MEF2A: variants seen among roughly 807,000 people sequenced by gnomAD.
MEF2A encodes the protein myocyte enhancer factor 2A, also known as myocyte-specific enhancer factor 2A.
Under a neutral mutation model 55.8 loss-of-function variants are expected in MEF2A, and 28 were observed. That is an observed-to-expected ratio of 0.50 (90% CI 0.37 to 0.69). MEF2A has a LOEUF of 0.69. MEF2A is among the 30% of genes least tolerant of loss of function. The pLI, the probability that MEF2A is intolerant of heterozygous loss-of-function variation, is 0.00. For missense variants in MEF2A, 528 were observed against 626.2 expected, an observed-to-expected ratio of 0.84 and a Z score of 1.67; for synonymous variants, 239 against 227.1, an observed-to-expected ratio of 1.05 and a Z score of -0.47.
At position 99,620,083 on chromosome 15, in the gene MEF2A, T is replaced by G. The variant is rs371254337; in HGVS notation, c.-142-12895T>G. ...CGTACCACGACAGTGGTGTGTATTT[T>G]AGAAAAAAGGAAAATAATTTTTTAA... On this transcript the variant is annotated intron_variant, in intron 2 of 11. Coordinates refer to ENST00000557942, the MANE Select transcript of MEF2A (RefSeq NM_001319206.4). Among the ~76,000 whole-genome samples the G allele has an allele frequency of 1.6e-4, 25 of 152,380 alleles. No homozygotes were observed. In the East Asian group the frequency reaches 2.7e-3, roughly 16 times the overall value.
chr15:99,714,079 C>T lies in MEF2A; in HGVS notation c.*1308C>T, dbSNP rs1395430388. 6.6e-6 allele frequency: 1 copy of T among 152,106 alleles called. No individual in the cohort carries two copies. The highest frequency in any genetic ancestry group is 1.9e-4 in the East Asian group (1 of 5,200). 9.4% of individuals were successfully genotyped at this position (152,106 alleles called of 1,614,324 possible). A position where few individuals can be genotyped will look rare whatever the true frequency, so the allele number is the denominator to read the frequency against. ...GAGGATTGTATAAAGGGGTTTCTCC[C>T]CTCACTGGTGGTGAATGTGTGATGT... is the stretch of plus-strand genomic sequence containing the variant. On this transcript the variant is annotated 3_prime_UTR_variant, in exon 12 of 12. Transcript: ENST00000557942.
chr15:99,686,928 T>TC (rs1334469840), intron 7 of MEF2A, among the ~76,000 whole-genome samples: 1 of 151,888 alleles, frequency 6.6e-6, no homozygotes, highest in Non-Finnish European at 1.5e-5. Flanking sequence ...TGATTTTTTT[T>TC]TTAATTTGTC....
intron 3 of MEF2A, among the ~76,000 whole-genome samples, chr15:99,638,786 T>C (rs901245607): frequency 1.3e-5 from 2 of 152,188 alleles, no homozygotes; most frequent in Non-Finnish European, 2.9e-5. Context: ...ATCTGATCCC[T>C]TTTTCTCTTT....
chr15:99,666,412 G>A (rs2049720925), intron 4 of MEF2A, among the ~76,000 whole-genome samples: 1 of 151,950 alleles, frequency 6.6e-6, no homozygotes. Flanking sequence ...ACACGGAGCG[G>A]AACATCACAC....
intron 7 of MEF2A, among the ~76,000 whole-genome samples, chr15:99,676,631 G>A (rs1385278587): frequency 2.0e-5 from 3 of 151,234 alleles, no homozygotes; most frequent in East Asian, 2.0e-4. Flanking sequence ...GGAGTGCAGT[G>A]GCGCCATCTC....
intron 2 of MEF2A, among the ~76,000 whole-genome samples, chr15:99,619,642 G>A (rs2040803846): frequency 6.6e-6 from 1 of 152,140 alleles, no homozygotes; most frequent in South Asian, 2.1e-4. Context: ...ATGTTAATGT[G>A]TTCTATACCA....
chr15:99,613,042 G>C (rs1453946129), intron 2 of MEF2A, among the ~76,000 whole-genome samples: 1 of 152,136 alleles, frequency 6.6e-6, no homozygotes, highest in African/African-American at 2.4e-5. Context: ...AATGCAATCA[G>C]GACTTGATTC....
chr15:99,602,848 C>T (rs766128436), intron 2 of MEF2A, among the ~76,000 whole-genome samples: 1 of 151,036 alleles, frequency 6.6e-6, no homozygotes, highest in Non-Finnish European at 1.5e-5. Context: ...TAGCTACCTA[C>T]TGTAACAAAA....
At chr15:99,621,006 G>T (rs1205816417) in intron 2 of MEF2A, 1 of 151,890 alleles carries the variant, frequency 6.6e-6, no homozygotes, top group African/African-American at 2.4e-5. Flanking sequence ...CACCATGCCT[G>T]GCTGATATTT....
Position 99,701,072 on chromosome 15 carries a change from T to G in MEF2A, c.859-2290T>G, listed in dbSNP as rs554642332. The stretch of plus-strand genomic sequence containing the variant: ...TGCTAACATAAGTGGGCAAAAAGTT[T>G]AAGTAAAAAGCTATTTTGCTTTGTC... On this transcript the variant is annotated intron_variant, in intron 8 of 11. Coordinates refer to ENST00000557942, the MANE Select transcript of MEF2A (RefSeq NM_001319206.4). Among the ~76,000 whole-genome samples the G allele has an allele frequency of 9.8e-5, 15 of 152,324 alleles. No homozygotes were observed. The South Asian group carries it at 2.1e-3, about 21-fold the overall frequency.
At chr15:99,592,287 A>G (rs1303717631) in intron 1 of MEF2A, among the ~76,000 whole-genome samples, 1 of 151,032 alleles carries the variant, frequency 6.6e-6, no homozygotes, top group African/African-American at 2.4e-5. Context: ...ATCTTTGGGA[A>G]CTTTTTTTTT....
Position 99,658,336 on chromosome 15 carries a change from G to A in MEF2A, c.258+12572G>A, listed in dbSNP as rs544327229. Among the ~76,000 whole-genome samples, 18 of 152,166 alleles carry A rather than the reference G, an allele frequency of 1.2e-4. No homozygotes were observed. In the South Asian group the frequency reaches 2.7e-3, roughly 23 times the overall value. On this transcript the variant is annotated intron_variant, in intron 4 of 11. Coordinates refer to ENST00000557942, the MANE Select transcript of MEF2A (RefSeq NM_001319206.4). ...TGGTGGAAGTAGATTTTCCATAACC[G>A]CAGAGAGAATTTGTGAACCAAAGAT...
intron 4 of MEF2A, among the ~76,000 whole-genome samples, chr15:99,667,602 C>G (rs565411880): frequency 6.6e-6 from 1 of 151,914 alleles, no homozygotes; most frequent in African/African-American, 2.4e-5. Context: ...GTGAGGGAGC[C>G]TGAAAAAAAT....
chr15:99,608,318 A>T (rs983892959), intron 2 of MEF2A, among the ~76,000 whole-genome samples: 1 of 152,222 alleles, frequency 6.6e-6, no homozygotes, highest in Non-Finnish European at 1.5e-5. Context: ...TGTATAAAAC[A>T]TGTTGCATAT....
chr15:99,648,215 C>T (rs2046294602), intron 4 of MEF2A, among the ~76,000 whole-genome samples: 1 of 152,084 alleles, frequency 6.6e-6, no homozygotes, highest in African/African-American at 2.4e-5. Flanking sequence ...TCCTTTCAGG[C>T]AGTTGTATTG....
chr15:99,580,810 G>A (rs934834729), intron 1 of MEF2A, among the ~76,000 whole-genome samples: 5 of 152,134 alleles, frequency 3.3e-5, no homozygotes, highest in African/African-American at 1.2e-4. Context: ...TTTGGTAGAT[G>A]TTAGCTTTTT....
rs2153514172 is a variant in MEF2A, at chr15:99,651,000, T to G, written c.258+5236T>G. On this transcript the variant is annotated intron_variant, in intron 4 of 11. Coordinates refer to ENST00000557942, the MANE Select transcript of MEF2A (RefSeq NM_001319206.4). ...TGGTTATCCAGCTTTTTAAACATTTTTATCCCCAAGAATATCCCCTGAAAT... is the reference window on the plus strand; with the variant it reads ...TGGTTATCCAGCTTTTTAAACATTTGTATCCCCAAGAATATCCCCTGAAAT... Among the ~76,000 whole-genome samples, 2 of 152,338 alleles carry G rather than the reference T, an allele frequency of 1.3e-5. 1 individual carries two copies. The highest frequency in any genetic ancestry group is 3.9e-4 in the East Asian group (2 of 5,188).
At chr15:99,647,217 G>T (rs1009085139) in intron 4 of MEF2A, among the ~76,000 whole-genome samples, 4 of 151,240 alleles carry the variant, frequency 2.6e-5, no homozygotes, top group African/African-American at 9.7e-5. Flanking sequence ...TGTAAATTAG[G>T]GTATCATTCA....
chr15:99,600,022 G>GGAT (rs1238436737), intron 2 of MEF2A, among the ~76,000 whole-genome samples: 1 of 152,072 alleles, frequency 6.6e-6, no homozygotes, highest in Non-Finnish European at 1.5e-5. Flanking sequence ...TATCCATGGA[G>GGAT]GATCCTGGAA....
Sources: allele counts gnomAD v4.1 joint callset (sites outside exome capture counted in the v4.1 genomes callset), GRCh38; gene constraint gnomAD v4.1.1; transcripts MANE v1.5; gene names NCBI Gene and HGNC (gene_info 2026-07-23, HGNC 2026-07-21).